Variants in NSD3 observed in about 807,000 individuals in gnomAD.
NSD3 encodes nuclear receptor binding SET domain protein 3.
A neutral mutation model predicts 160.8 loss-of-function variants in NSD3; 24 were observed. The ratio of observed to expected loss-of-function variants is 0.15; its 90% CI spans 0.11 to 0.21. The LOEUF (loss-of-function observed/expected upper bound fraction) is 0.21, where lower values mean the gene tolerates loss of function less well. Among genes scored for constraint, NSD3 ranks in the 10% least tolerant of loss-of-function variants. The probability of loss-of-function intolerance (pLI) is 1.00; values close to 1 mark genes in which losing one functional copy is unlikely to be tolerated. For synonymous variants in NSD3, 520 were observed against 600.0 expected (o/e 0.87, Z 1.95); for missense variants, 1,157 against 1,735.9 (o/e 0.67, Z 5.93).
intron 1 of NSD3, among the ~76,000 whole-genome samples, chr8:38,376,439 C>CTT (rs548550847): frequency 9.7e-5 from 14 of 144,706 alleles, no homozygotes; most frequent in Admixed American, 2.8e-4. Flanking sequence ...TTCTTTCTTT[C>CTT]TTTTTTTTTT....
intron 1 of NSD3, among the ~76,000 whole-genome samples, chr8:38,365,347 C>T (rs555912005): frequency 1.3e-5 from 2 of 152,282 alleles, no homozygotes; most frequent in East Asian, 3.9e-4. Context: ...ATGTACCAGA[C>T]CCTGTTCTAG....
chr8:38,339,585 G>C (rs1351348435), intron 2 of NSD3, among the ~76,000 whole-genome samples: 1 of 152,056 alleles, frequency 6.6e-6, no homozygotes, highest in Admixed American at 6.5e-5. Context: ...AATTAGCTGG[G>C]TGTGGTGGTG....
At chr8:38,365,009 A>T (rs921151157) in intron 1 of NSD3, among the ~76,000 whole-genome samples, 8 of 152,218 alleles carry the variant, frequency 5.3e-5, no homozygotes, top group South Asian at 2.1e-4. Flanking sequence ...TCCCAAATAA[A>T]TGAGACTGAC....
At chr8:38,335,766 G>A (rs1810201859) in intron 4 of NSD3, among the ~76,000 whole-genome samples, 1 of 152,178 alleles carries the variant, frequency 6.6e-6, no homozygotes. Context: ...AGGAGGAGAG[G>A]TTATGAAATT....
intron 2 of NSD3, among the ~76,000 whole-genome samples, chr8:38,341,308 G>C (rs547144997): frequency 6.6e-6 from 1 of 152,322 alleles, no homozygotes; most frequent in African/African-American, 2.4e-5. Context: ...GGGAGGCCAA[G>C]GTGGGTAAAT....
intron 4 of NSD3, among the ~76,000 whole-genome samples, chr8:38,334,159 A>C (rs962868698): frequency 6.6e-6 from 1 of 152,224 alleles, no homozygotes; most frequent in Non-Finnish European, 1.5e-5. Flanking sequence ...CTGCATTTAA[A>C]ACTATACTAT....
rs1248538587 is a variant in NSD3, at chr8:38,288,299, C to G, written c.3501+188G>C. Reference sequence around the variant, plus strand: ...AGCCACTGGACACTCAAAGTTTAAGCACATTTTATCACTATCTTCTTCCTA... The same window carrying G: ...AGCCACTGGACACTCAAAGTTTAAGGACATTTTATCACTATCTTCTTCCTA... On this transcript the variant is annotated intron_variant, in intron 19 of 23. Transcript: ENST00000317025. The surrounding 1 kb of genome is among the most constrained non-coding windows in gnomAD (Gnocchi z 4.5). 2.0e-5 allele frequency among the ~76,000 whole-genome samples: 3 copies of G among 152,194 alleles called. No homozygotes were observed. Among genetic ancestry groups the G allele is most frequent in the Non-Finnish European group, 4.4e-5 (3 of 68,030 alleles).
chr8:38,303,714 A>T (rs532647099), intron 14 of NSD3, among the ~76,000 whole-genome samples: 1 of 152,268 alleles, frequency 6.6e-6, no homozygotes, highest in Non-Finnish European at 1.5e-5. Flanking sequence ...TTTCATGTTC[A>T]GTATGGTCTA....
In NSD3 at chr8:38,317,035, A is replaced by T. The variant is rs1809684230; in HGVS notation, c.1856-993T>A. On this transcript the variant is annotated intron_variant, in intron 9 of 23. Coordinates refer to ENST00000317025, the MANE Select transcript of NSD3 (RefSeq NM_023034.2). This position sits in a 1 kb window ranked among gnomAD's most constrained non-coding sequence, Gnocchi z 5.3. ...CCCCCAAAATTTCCATACAACAAAC[A>T]GACATCTAGATCAACCCAGCAAGCT... The T allele has an allele frequency of 9.4e-7, 1 of 1,059,764 alleles. No homozygotes were observed. Among genetic ancestry groups the T allele is most frequent in the African/African-American group, 1.6e-5 (1 of 60,920 alleles). The allele number at this position is 1,059,764 out of a possible 1,614,324, so 65.6% of individuals were successfully genotyped here.
Position 38,269,865 on chromosome 8 carries a change from T to C in NSD3, c.*5776A>G, listed in dbSNP as rs1424174297. 6.6e-6 allele frequency: 1 copy of C among 152,190 alleles called. No individual in the cohort carries two copies. The highest frequency in any genetic ancestry group is 6.5e-5 in the Admixed American group (1 of 15,278). 9.4% of individuals were successfully genotyped at this position (152,190 alleles called of 1,614,324 possible). A position where few individuals can be genotyped will look rare whatever the true frequency, so the allele number is the denominator to read the frequency against. On this transcript the variant is annotated 3_prime_UTR_variant, in exon 24 of 24. Coordinates refer to ENST00000317025, the MANE Select transcript of NSD3 (RefSeq NM_023034.2). The stretch of plus-strand genomic sequence containing the variant: ...AAAAAAGGCAACATCTCAGTAAATA[T>C]AATGTACAAAAATTATATGTTCCTA...
chr8:38,330,844 T>G (rs1159982480), intron 5 of NSD3, among the ~76,000 whole-genome samples: 5 of 152,176 alleles, frequency 3.3e-5, no homozygotes. Flanking sequence ...CAAATATATT[T>G]CCTGATTCCA....
chr8:38,350,455 CGT>C (rs1563364824), intron 1 of NSD3, among the ~76,000 whole-genome samples: 1 of 152,090 alleles, frequency 6.6e-6, no homozygotes, highest in Non-Finnish European at 1.5e-5. Flanking sequence ...AGCATTTTTT[CGT>C]GTGTCTGTTG....
At chr8:38,371,869 T>C (rs932066749) in intron 1 of NSD3, among the ~76,000 whole-genome samples, 1 of 152,246 alleles carries the variant, frequency 6.6e-6, no homozygotes, top group South Asian at 2.1e-4. Flanking sequence ...CAAATTTTTC[T>C]GCTATCCTAA....
At chr8:38,282,498 C>T (rs558454519) in intron 19 of NSD3, among the ~76,000 whole-genome samples, 1 of 152,302 alleles carries the variant, frequency 6.6e-6, no homozygotes, top group Admixed American at 6.5e-5. Flanking sequence ...TGGTGAAACA[C>T]TGTCTCTACT....
chr8:38,322,887 G>T (rs1809822901), intron 7 of NSD3, among the ~76,000 whole-genome samples: 1 of 152,086 alleles, frequency 6.6e-6, no homozygotes, highest in Non-Finnish European at 1.5e-5. Flanking sequence ...GTTTCTGAAG[G>T]GTGAACAAGT....
In NSD3 at chr8:38,337,394, A is replaced by G. The variant is rs1298387115; in HGVS notation, c.821T>C (p.Val274Ala). Residue 274 changes from valine (V) to alanine (A), a missense_variant, in exon 4 of 24, where the codon GTG (valine) becomes GCG (alanine). Transcript: ENST00000317025. ...AGGATAGGTTCCCACCTTGGACCAC[A>G]CAAGATCGCCAACCTGAAACTTAAC... Reference protein sequence around the residue: ...TGVKFQVGDLVWSKVGTYPWW... With the variant: ...TGVKFQVGDLAWSKVGTYPWW... 1.2e-6 allele frequency: 2 copies of G among 1,613,058 alleles called. No individual in the cohort carries two copies. The highest frequency in any genetic ancestry group is 8.5e-7 in the Non-Finnish European group (1 of 1,179,624).
intron 1 of NSD3, among the ~76,000 whole-genome samples, chr8:38,379,516 A>T (rs181173897): frequency 6.6e-6 from 1 of 152,254 alleles, no homozygotes. Flanking sequence ...ACTGTTCCTC[A>T]CAGAATTTCA....
At chr8:38,378,636 C>T (rs1390177724) in intron 1 of NSD3, among the ~76,000 whole-genome samples, 1 of 151,734 alleles carries the variant, frequency 6.6e-6, no homozygotes. Context: ...AGCGAGACTC[C>T]GTCTCAAAAC....
At chr8:38,330,664 TGTAA>T (rs1810035029) in intron 5 of NSD3, among the ~76,000 whole-genome samples, 1 of 152,222 alleles carries the variant, frequency 6.6e-6, no homozygotes, top group African/African-American at 2.4e-5. Context: ...ATCTGTAAAA[TGTAA>T]GTCTCATAAA....
Sources: allele counts gnomAD v4.1 joint callset (sites outside exome capture counted in the v4.1 genomes callset), GRCh38; gene constraint gnomAD v4.1.1; non-coding constraint Gnocchi (gnomAD v3.1); transcripts MANE v1.5; gene names NCBI Gene and HGNC (gene_info 2026-07-23, HGNC 2026-07-21).